Variants in RIN2 observed in about 807,000 individuals in gnomAD.
RIN2 encodes Ras and Rab interactor 2.
In RIN2, 36 loss-of-function variants were observed where a neutral mutation model predicts 78.0. The ratio of observed to expected loss-of-function variants is 0.46; its 90% CI spans 0.35 to 0.61. The LOEUF (loss-of-function observed/expected upper bound fraction) is 0.61, where lower values mean the gene tolerates loss of function less well. Ranked by LOEUF, RIN2 falls within the 20% of genes least tolerant of loss-of-function variation. RIN2 has a pLI of 0.00. For synonymous variants in RIN2, 466 were observed against 466.8 expected (o/e 1.00, Z 0.02); for missense variants, 1,087 against 1,159.7 (o/e 0.94, Z 0.91).
At chr20:19,869,182 G>C (rs62200201) in intron 2 of RIN2, among the ~76,000 whole-genome samples, 1 of 151,772 alleles carries the variant, frequency 6.6e-6, no homozygotes, top group African/African-American at 2.4e-5. Flanking sequence ...ATGAGTCTGC[G>C]CTGGAGAGAG....
chr20:19,795,042 A>G (rs62203166), intron 1 of RIN2, among the ~76,000 whole-genome samples: 19,249 of 152,236 alleles, frequency 0.13, 1,494 homozygotes, highest in African/African-American at 0.23. Flanking sequence ...CAACCCTGTT[A>G]AAGTTCAATA....
chr20:19,794,080 T>C (rs914705179), intron 1 of RIN2, among the ~76,000 whole-genome samples: 1 of 151,426 alleles, frequency 6.6e-6, no homozygotes, highest in African/African-American at 2.4e-5. Context: ...TTTTACTTCC[T>C]TTAAGAGAAG....
intron 1 of RIN2, among the ~76,000 whole-genome samples, chr20:19,793,849 C>T (rs150097577): frequency 2.3e-4 from 35 of 152,100 alleles, no homozygotes; most frequent in Non-Finnish European, 4.3e-4. Flanking sequence ...TAGCTACTGA[C>T]GCATTGCTGG....
intron 11 of RIN2, among the ~76,000 whole-genome samples, chr20:19,996,443 CTT>C (rs2042968884): frequency 1.3e-5 from 2 of 152,232 alleles, no homozygotes; most frequent in Admixed American, 6.5e-5. Flanking sequence ...TCTGTGCCCC[CTT>C]GGCCCCTCCC....
chr20:19,895,292 G>A (rs1342156899), intron 3 of RIN2, among the ~76,000 whole-genome samples: 3 of 152,124 alleles, frequency 2.0e-5, no homozygotes, highest in South Asian at 2.1e-4. Flanking sequence ...TTGTCATCAC[G>A]GCTATGATCC....
intron 2 of RIN2, among the ~76,000 whole-genome samples, chr20:19,835,793 G>A (rs968588602): frequency 6.6e-6 from 1 of 152,114 alleles, no homozygotes; most frequent in African/African-American, 2.4e-5. Context: ...TAGTGAACCA[G>A]GCTGAGTAGG....
intron 1 of RIN2, among the ~76,000 whole-genome samples, chr20:19,786,688 G>A (rs141598157): frequency 6.6e-5 from 10 of 152,336 alleles, no homozygotes; most frequent in South Asian, 6.2e-4. Flanking sequence ...TGCATGAAGC[G>A]TGAAGATGCA....
rs2043143802 is a variant in RIN2, at chr20:20,001,505, A to G, written c.*569A>G. On this transcript the variant is annotated 3_prime_UTR_variant, in exon 13 of 13. Transcript: ENST00000255006. ...ACTTTAAAATATTCTATAATTATGCATGTGATTTTAACATTTAATATTCAA... is the reference window on the plus strand; with the variant it reads ...ACTTTAAAATATTCTATAATTATGCGTGTGATTTTAACATTTAATATTCAA... The G allele has an allele frequency of 1.3e-5, 2 of 151,730 alleles. No homozygotes were observed. Among genetic ancestry groups the G allele is most frequent in the South Asian group, 2.1e-4 (1 of 4,800 alleles). The allele number at this position is 151,730 out of a possible 1,614,324, so 9.4% of individuals were successfully genotyped here. A position where few individuals can be genotyped will look rare whatever the true frequency, so the allele number is the denominator to read the frequency against.
chr20:19,926,215 A>G (rs1043096962), intron 3 of RIN2, among the ~76,000 whole-genome samples: 16 of 152,208 alleles, frequency 1.1e-4, no homozygotes, highest in Non-Finnish European at 1.9e-4. Context: ...GTCAAGGGAG[A>G]TTACTTTTAA....
chr20:19,951,354 T>G (rs1318456162), intron 4 of RIN2, among the ~76,000 whole-genome samples: 1 of 152,206 alleles, frequency 6.6e-6, no homozygotes, highest in Non-Finnish European at 1.5e-5. Flanking sequence ...CACTGAAATT[T>G]GGATTTTTCT....
intron 9 of RIN2, among the ~76,000 whole-genome samples, chr20:19,977,941 G>C (rs2042333095): frequency 6.6e-6 from 1 of 152,088 alleles, no homozygotes; most frequent in African/African-American, 2.4e-5. Flanking sequence ...TGAAAGTATA[G>C]TGACAGTGCT....
chr20:19,808,459 C>T (rs571549743), intron 2 of RIN2, among the ~76,000 whole-genome samples: 1 of 152,350 alleles, frequency 6.6e-6, no homozygotes, highest in East Asian at 1.9e-4. Context: ...GGAGTGGCCT[C>T]AGCTCGGGTC....
intron 2 of RIN2, among the ~76,000 whole-genome samples, chr20:19,837,042 A>G (rs941929561): frequency 6.8e-6 from 1 of 147,108 alleles, no homozygotes; most frequent in Non-Finnish European, 1.5e-5. Flanking sequence ...CTAAAGCTTT[A>G]TCTATATAAT....
intron 1 of RIN2, among the ~76,000 whole-genome samples, chr20:19,767,178 G>A (rs955469062): frequency 6.6e-6 from 1 of 152,190 alleles, no homozygotes; most frequent in Non-Finnish European, 1.5e-5. Context: ...ATGGACAGCC[G>A]TGTAGAAATG....
chr20:19,766,169 T>C (rs2033877585), intron 1 of RIN2, among the ~76,000 whole-genome samples: 1 of 152,186 alleles, frequency 6.6e-6, no homozygotes, highest in African/African-American at 2.4e-5. Flanking sequence ...TATTCCGGGA[T>C]TCCTGCCTTA....
intron 2 of RIN2, among the ~76,000 whole-genome samples, chr20:19,888,151 C>T (rs1305287613): frequency 1.3e-5 from 2 of 152,088 alleles, no homozygotes; most frequent in African/African-American, 4.8e-5. Context: ...CAGGGAAGAC[C>T]CCGTCAAATC....
At chr20:19,844,623 T>G (rs1321160103) in intron 2 of RIN2, among the ~76,000 whole-genome samples, 5 of 115,890 alleles carry the variant, frequency 4.3e-5, no homozygotes, top group African/African-American at 2.0e-4. Flanking sequence ...TTCTTCTTCT[T>G]CTTCTTCTTC....
At chr20:19,783,420 C>T (rs1341327085) in intron 1 of RIN2, among the ~76,000 whole-genome samples, 1 of 152,076 alleles carries the variant, frequency 6.6e-6, no homozygotes, top group East Asian at 1.9e-4. Context: ...CTTCCCTAGA[C>T]CCCCAGGTTT....
chr20:19,817,391 CT>C (rs1471955716), intron 2 of RIN2, among the ~76,000 whole-genome samples: 2 of 152,132 alleles, frequency 1.3e-5, no homozygotes, highest in African/African-American at 4.8e-5. Flanking sequence ...TCACTCAGGC[CT>C]CTTTTATAAG....
Sources: gnomAD v4.1 joint callset for allele counts (sites outside exome capture counted in the v4.1 genomes callset) on GRCh38, gnomAD v4.1.1 for gene constraint, MANE v1.5 for transcripts, NCBI Gene and HGNC (gene_info 2026-07-23, HGNC 2026-07-21) for gene names.